RABGAP1L: variants seen among roughly 807,000 people sequenced by gnomAD.
The protein encoded by RABGAP1L is RAB GTPase activating protein 1 like.
RABGAP1L carries 63 observed loss-of-function variants against 137.7 expected under a neutral mutation model. That is an observed-to-expected ratio of 0.46 (90% CI 0.37 to 0.56). RABGAP1L has a LOEUF of 0.56. Among genes scored for constraint, RABGAP1L ranks in the 20% least tolerant of loss-of-function variants. RABGAP1L has a pLI of 0.00. For missense variants in RABGAP1L, 1,095 were observed against 1,244.0 expected (o/e 0.88, Z 1.80); for synonymous variants, 431 against 433.7 (o/e 0.99, Z 0.08).
At position 174,478,564 on chromosome 1, in the gene RABGAP1L, C is replaced by T. The variant is rs188993975; in HGVS notation, c.1710+84419C>T. On this transcript the variant is annotated intron_variant, in intron 13 of 25. Coordinates refer to ENST00000681986, the MANE Select transcript of RABGAP1L (RefSeq NM_001366446.1). ...GTGCTGGGATTATTTAAAAACCAGG[C>T]ACCACATTCAGCCTTGGTTTTCAAA... Among the ~76,000 whole-genome samples, 8 of 152,222 alleles carry T rather than the reference C, an allele frequency of 5.3e-5. No individual in the cohort carries two copies. In the East Asian group the frequency reaches 1.5e-3, roughly 29 times the overall value.
At chr1:174,987,760 T>G (rs1465169068) in intron 24 of RABGAP1L, among the ~76,000 whole-genome samples, 1 of 152,158 alleles carries the variant, frequency 6.6e-6, no homozygotes, top group African/African-American at 2.4e-5. Flanking sequence ...TTGCTGTTGT[T>G]TAGTGCTGTG....
In RABGAP1L at chr1:174,919,017, T is replaced by C. The variant is rs1429265346; in HGVS notation, c.2341-38440T>C. 2.2e-5 allele frequency among the ~76,000 whole-genome samples: 3 copies of C among 135,920 alleles called. No homozygotes were observed. In the East Asian group the frequency reaches 5.9e-4, roughly 27 times the overall value. 89.2% of individuals were successfully genotyped at this position (135,920 alleles called of 152,430 possible). On this transcript the variant is annotated intron_variant, in intron 19 of 25. Coordinates refer to ENST00000681986, the MANE Select transcript of RABGAP1L (RefSeq NM_001366446.1). ...GCGACAGAGCAAGACCTTGTCTTTT[T>C]TCTTTTTTTTTTTTTTTTTGAGACA...
intron 13 of RABGAP1L, among the ~76,000 whole-genome samples, chr1:174,466,559 G>T (rs1375387564): frequency 6.6e-6 from 1 of 152,202 alleles, no homozygotes; most frequent in Non-Finnish European, 1.5e-5. Context: ...GGCTGAGGCG[G>T]GTGGATCACT....
intron 13 of RABGAP1L, chr1:174,548,214 A>T: frequency 7.0e-7 from 1 of 1,427,464 alleles, no homozygotes; most frequent in South Asian, 1.6e-5. Flanking sequence ...ATTAAGAGAA[A>T]GCATAATCTA....
At chr1:174,659,261 A>G (rs906479973) in intron 14 of RABGAP1L, among the ~76,000 whole-genome samples, 3 of 152,128 alleles carry the variant, frequency 2.0e-5, no homozygotes, top group African/African-American at 7.2e-5. Flanking sequence ...AAAATCCTCA[A>G]AAGATTGATC....
At chr1:174,444,192 T>TC (rs1654479951) in intron 13 of RABGAP1L, among the ~76,000 whole-genome samples, 1 of 151,998 alleles carries the variant, frequency 6.6e-6, no homozygotes. Context: ...TTTAGGTTTT[T>TC]TTTTTCTATT....
At chr1:174,937,226 G>C (rs960886818) in intron 19 of RABGAP1L, among the ~76,000 whole-genome samples, 1 of 151,500 alleles carries the variant, frequency 6.6e-6, no homozygotes, top group African/African-American at 2.4e-5. Context: ...TGATCTACCC[G>C]CTTCGGCCTC....
chr1:174,377,291 T>C (rs1279636781), intron 12 of RABGAP1L, among the ~76,000 whole-genome samples: 1 of 152,162 alleles, frequency 6.6e-6, no homozygotes, highest in Non-Finnish European at 1.5e-5. Context: ...AAACTAATCT[T>C]AAAATTAGTG....
At chr1:174,891,983 A>G (rs1656226219) in intron 19 of RABGAP1L, among the ~76,000 whole-genome samples, 2 of 152,260 alleles carry the variant, frequency 1.3e-5, no homozygotes, top group Non-Finnish European at 2.9e-5. Flanking sequence ...TGTTGTCTAT[A>G]AAACAATAAA....
chr1:174,363,991 A>G (rs1459913566), intron 11 of RABGAP1L, among the ~76,000 whole-genome samples: 1 of 151,742 alleles, frequency 6.6e-6, no homozygotes, highest in Non-Finnish European at 1.5e-5. Context: ...CATCACTGAT[A>G]TTGGCCTACA....
intron 12 of RABGAP1L, among the ~76,000 whole-genome samples, chr1:174,372,610 G>A (rs150772991): frequency 6.6e-6 from 1 of 152,156 alleles, no homozygotes; most frequent in East Asian, 1.9e-4. Context: ...AGAAAAATGT[G>A]ATTTAATGTA....
intron 13 of RABGAP1L, among the ~76,000 whole-genome samples, chr1:174,579,490 A>G (rs961334011): frequency 6.6e-6 from 1 of 152,178 alleles, no homozygotes; most frequent in Non-Finnish European, 1.5e-5. Context: ...CATCCACTGA[A>G]CACACGTGCT....
chr1:174,866,336 T>C (rs1367792572), intron 19 of RABGAP1L, among the ~76,000 whole-genome samples: 1 of 152,214 alleles, frequency 6.6e-6, no homozygotes, highest in East Asian at 1.9e-4. Flanking sequence ...TTCTGGGCAT[T>C]GCCACTGCCA....
At chr1:174,587,449 TAAATA>T (rs57938481) in intron 13 of RABGAP1L, among the ~76,000 whole-genome samples, 86,798 of 147,876 alleles carry the variant, frequency 0.59, 28,198 homozygotes, top group African/African-American at 0.88. Flanking sequence ...ATAATAATAA[TAAATA>T]AAATAAAATA....
chr1:174,683,062 T>G (rs1033816035), intron 14 of RABGAP1L, among the ~76,000 whole-genome samples: 5 of 142,984 alleles, frequency 3.5e-5, no homozygotes, highest in Non-Finnish European at 7.9e-5. Context: ...AAAGGGGTTT[T>G]TTTTTTTTTT....
chr1:174,482,388 T>A (rs1482724103), intron 13 of RABGAP1L, among the ~76,000 whole-genome samples: 4 of 152,254 alleles, frequency 2.6e-5, no homozygotes, highest in African/African-American at 4.8e-5. Context: ...AGGTAATTTG[T>A]TCATTATTAC....
At chr1:174,958,183 G>A (rs1368868169) in intron 20 of RABGAP1L, 2 of 1,406,738 alleles carry the variant, frequency 1.4e-6, no homozygotes, top group South Asian at 1.2e-5. Context: ...GGTATATTGA[G>A]CACAGTAGTG....
rs781098510 is a variant in RABGAP1L at position 174,957,712 on chromosome 1, C to G, written c.2433+163C>G. 11 of 926,756 alleles carry G rather than the reference C, an allele frequency of 1.2e-5. No homozygotes were observed. In the South Asian group the frequency reaches 1.6e-4, roughly 14 times the overall value. The allele number at this position is 926,756 out of a possible 1,614,324, so 57.4% of individuals were successfully genotyped here. A position where few individuals can be genotyped will look rare whatever the true frequency, so the allele number is the denominator to read the frequency against. Reference sequence around the variant, plus strand: ...GATTACAGGCACGAGCCACCATTCCCAGCAAAGTACCTTTTTTTTTTTTTT... The same window carrying G: ...GATTACAGGCACGAGCCACCATTCCGAGCAAAGTACCTTTTTTTTTTTTTT... On this transcript the variant is annotated intron_variant, in intron 20 of 25. Coordinates refer to ENST00000681986, the MANE Select transcript of RABGAP1L (RefSeq NM_001366446.1).
chr1:174,455,712 TA>T (rs1418483843), intron 13 of RABGAP1L, among the ~76,000 whole-genome samples: 1 of 152,146 alleles, frequency 6.6e-6, no homozygotes, highest in Non-Finnish European at 1.5e-5. Context: ...ATTTTATAAT[TA>T]AAAATGCTAA....
Sources: allele counts gnomAD v4.1 joint callset (sites outside exome capture counted in the v4.1 genomes callset), GRCh38; gene constraint gnomAD v4.1.1; transcripts MANE v1.5; gene names NCBI Gene and HGNC (gene_info 2026-07-23, HGNC 2026-07-21).